SSBP2: variants seen among roughly 807,000 people sequenced by gnomAD.
The protein encoded by SSBP2 is single-stranded DNA-binding protein 2.
SSBP2 carries 17 observed loss-of-function variants against 61.8 expected under a neutral mutation model. The ratio of observed to expected loss-of-function variants is 0.28; its 90% CI spans 0.19 to 0.41. The LOEUF (loss-of-function observed/expected upper bound fraction) is 0.41. Ranked by LOEUF, SSBP2 falls within the 10% of genes least tolerant of loss-of-function variation. The probability of loss-of-function intolerance (pLI) is 1.00; values close to 1 mark genes in which losing one functional copy is unlikely to be tolerated. For synonymous variants in SSBP2, 139 were observed against 141.3 expected (o/e 0.98, Z 0.12); for missense variants, 310 against 458.7 (o/e 0.68, Z 2.96).
intron 8 of SSBP2, among the ~76,000 whole-genome samples, chr5:81,467,686 ATTAGT>A (rs1435746852): frequency 2.0e-5 from 3 of 152,038 alleles, no homozygotes; most frequent in Admixed American, 6.6e-5. Context: ...ATGTTATTAG[ATTAGT>A]TTAGTTGCCA....
At chr5:81,488,065 A>ATATGTGGTGTGTGTGTGT in intron 6 of SSBP2, among the ~76,000 whole-genome samples, 1 of 97,340 alleles carries the variant, frequency 1.0e-5, no homozygotes, top group South Asian at 3.5e-4. Context: ...ATATAAATAA[A>ATATGTGGTGTGTGTGTGT]ATATCATATA....
At chr5:81,467,145 C>T (rs1311396156) in intron 8 of SSBP2, 80 bp from the exon 9 acceptor site, 2 of 864,276 alleles carry the variant, frequency 2.3e-6, no homozygotes, top group East Asian at 2.5e-5. Context: ...CTACATAACT[C>T]CAATTGGATA....
At chr5:81,589,201 A>G (rs1581104358) in intron 4 of SSBP2, among the ~76,000 whole-genome samples, 1 of 152,362 alleles carries the variant, frequency 6.6e-6, no homozygotes, top group East Asian at 1.9e-4. Context: ...TCAAACTAAC[A>G]TGGGCAACTA....
rs371937440 is a variant in SSBP2, at chr5:81,691,109, T to A, written c.63-40770A>T. 3.3e-5 allele frequency among the ~76,000 whole-genome samples: 5 copies of A among 151,710 alleles called. No individual in the cohort carries two copies. The South Asian group carries it at 8.3e-4, about 25-fold the overall frequency. On this transcript the variant is annotated intron_variant, in intron 1 of 16. Transcript: ENST00000320672. ...AAGTTTATAGCTATAAACACCTACA[T>A]CAAAAGAGTAGAAAAACTTCAAATA...
At chr5:81,710,776 G>T (rs1412850694) in intron 1 of SSBP2, 1 of 432,580 alleles carries the variant, frequency 2.3e-6, no homozygotes, top group African/African-American at 2.0e-5. Context: ...ATTCTAAAAA[G>T]AAGTGAGATA....
chr5:81,455,000 GAAGAGTGAAA>G (rs1170232125), intron 10 of SSBP2, among the ~76,000 whole-genome samples: 1 of 152,086 alleles, frequency 6.6e-6, no homozygotes, highest in Non-Finnish European at 1.5e-5. Flanking sequence ...AGTAGCTAAG[GAAGAGTGAAA>G]AAAACAAACT....
chr5:81,688,710 G>A (rs1752998036), intron 1 of SSBP2, among the ~76,000 whole-genome samples: 1 of 152,136 alleles, frequency 6.6e-6, no homozygotes, highest in African/African-American at 2.4e-5. Context: ...TATTGGGTTT[G>A]GGGCTCAAGT....
intron 9 of SSBP2, among the ~76,000 whole-genome samples, chr5:81,465,964 C>G (rs1053341686): frequency 6.6e-6 from 1 of 151,900 alleles, no homozygotes; most frequent in African/African-American, 2.4e-5. Context: ...GGCAAATTTG[C>G]TTTCCATGAA....
At chr5:81,680,995 T>C (rs921092571) in intron 1 of SSBP2, among the ~76,000 whole-genome samples, 2 of 152,116 alleles carry the variant, frequency 1.3e-5, no homozygotes, top group African/African-American at 4.8e-5. Flanking sequence ...ATATGGAACA[T>C]TCACTAAGAC....
chr5:81,539,194 G>A lies in SSBP2; in HGVS notation c.283-25477C>T, dbSNP rs576053135. On this transcript the variant is annotated intron_variant, in intron 4 of 16. Transcript: ENST00000320672. ...GTAGTTGATTCCAACCCTTGTGGAT[G>A]ACTTTAAGGGGTTCAAGACTTGAGT... 2.0e-5 allele frequency among the ~76,000 whole-genome samples: 3 copies of A among 152,304 alleles called. No individual in the cohort carries two copies. The East Asian group carries it at 5.8e-4, about 29-fold the overall frequency.
intron 4 of SSBP2, among the ~76,000 whole-genome samples, chr5:81,594,491 C>T (rs1332045962): frequency 6.6e-6 from 1 of 152,116 alleles, no homozygotes. Flanking sequence ...ACCAAGCGGA[C>T]CTAACAGACA....
In SSBP2 at chr5:81,721,241, G is replaced by A. The variant is rs570631926; in HGVS notation, c.62+29740C>T. Among the ~76,000 whole-genome samples, 282 of 152,128 alleles carry A rather than the reference G, an allele frequency of 1.9e-3. 2 individuals are homozygous for A. The highest frequency in any genetic ancestry group is 6.8e-3 in the South Asian group (33 of 4,824). Reference sequence around the variant, plus strand: ...ATCCAATCTGTATGCTTCATACTAAGGCATCTAGTTAATCCTTCTAGATCA... The same window carrying A: ...ATCCAATCTGTATGCTTCATACTAAAGCATCTAGTTAATCCTTCTAGATCA... On this transcript the variant is annotated intron_variant, in intron 1 of 16. Transcript: ENST00000320672.
Position 81,455,447 on chromosome 5 carries a change from G to A in SSBP2, c.687+5608C>T, listed in dbSNP as rs1055929205. ...ATCCTGGCTAACAAGGTGAAACCCC[G>A]TCTCTACTAAAAATACAAAAAATTA... On this transcript the variant is annotated intron_variant, in intron 10 of 16. Transcript: ENST00000320672. Among the ~76,000 whole-genome samples, 15 of 69,266 alleles carry A rather than the reference G, an allele frequency of 2.2e-4. 5 individuals are homozygous for A. The highest frequency in any genetic ancestry group is 4.6e-4 in the African/African-American group (2 of 4,374). The allele number at this position is 69,266 out of a possible 152,430, so 45.4% of individuals were successfully genotyped here. A position where few individuals can be genotyped will look rare whatever the true frequency, so the allele number is the denominator to read the frequency against.
chr5:81,463,758 CTTTTTT>C (rs938398439), intron 9 of SSBP2, among the ~76,000 whole-genome samples: 222 of 96,300 alleles, frequency 2.3e-3, no homozygotes, highest in African/African-American at 8.5e-3. Flanking sequence ...GAAAAATCCT[CTTTTTT>C]TTTTTTTTTT....
chr5:81,453,427 G>A (rs1763910371), intron 10 of SSBP2, among the ~76,000 whole-genome samples: 1 of 150,532 alleles, frequency 6.6e-6, no homozygotes, highest in Admixed American at 6.6e-5. Flanking sequence ...CAGATGCAGT[G>A]ATTAGGAAAT....
intron 4 of SSBP2, among the ~76,000 whole-genome samples, chr5:81,575,024 C>T (rs2153455863): frequency 6.6e-6 from 1 of 152,318 alleles, no homozygotes; most frequent in African/African-American, 2.4e-5. Flanking sequence ...AATCCCAGCA[C>T]TTTGGGAGGC....
At chr5:81,498,330 A>C (rs1767443212) in intron 5 of SSBP2, among the ~76,000 whole-genome samples, 1 of 152,126 alleles carries the variant, frequency 6.6e-6, no homozygotes, top group South Asian at 2.1e-4. Flanking sequence ...TTCAGTAATT[A>C]TATTAACTAC....
At chr5:81,560,940 A>G (rs995459271) in intron 4 of SSBP2, among the ~76,000 whole-genome samples, 1 of 152,160 alleles carries the variant, frequency 6.6e-6, no homozygotes, top group Non-Finnish European at 1.5e-5. Context: ...TAAGCATAGG[A>G]CTGTTAAATA....
chr5:81,712,088 T>TA (rs975450504), intron 1 of SSBP2, among the ~76,000 whole-genome samples: 106 of 151,148 alleles, frequency 7.0e-4, no homozygotes, highest in African/African-American at 2.5e-3. Flanking sequence ...TATTAACCAC[T>TA]AGCTCTTCAG....
Sources: gnomAD v4.1 joint callset for allele counts (sites outside exome capture counted in the v4.1 genomes callset) on GRCh38, gnomAD v4.1.1 for gene constraint, MANE v1.5 for transcripts, NCBI Gene and HGNC (gene_info 2026-07-23, HGNC 2026-07-21) for gene names.